The following DLEC1 variants were observed in gnomAD, a reference collection of about 807,000 sequenced individuals.
The protein encoded by DLEC1 is DLEC1 cilia and flagella associated protein.
Under a neutral mutation model 198.1 loss-of-function variants are expected in DLEC1, and 146 were observed. The ratio of observed to expected loss-of-function variants is 0.74; its 90% CI spans 0.64 to 0.85. The LOEUF (loss-of-function observed/expected upper bound fraction) is 0.85. Ranked by LOEUF, DLEC1 falls within the 40% of genes least tolerant of loss-of-function variation. The pLI, the probability that DLEC1 is intolerant of heterozygous loss-of-function variation, is 0.00. For synonymous variants in DLEC1, 897 were observed against 866.8 expected (o/e 1.03, Z -0.61); for missense variants, 2,233 against 2,220.0 (o/e 1.01, Z -0.12).
chr3:38,064,963 A>T (rs9757622), intron 6 of DLEC1, among the ~76,000 whole-genome samples: 1 of 151,904 alleles, frequency 6.6e-6, no homozygotes, highest in East Asian at 1.9e-4. Flanking sequence ...CTGCAAACTC[A>T]GCACTTTGGG....
chr3:38,095,686 C>T (rs1049018876), intron 13 of DLEC1: 2 of 594,176 alleles, frequency 3.4e-6, no homozygotes, highest in Non-Finnish European at 5.9e-6. Flanking sequence ...AGACAGGCCC[C>T]TGAGTCCTGG....
intron 5 of DLEC1, 147 bp from the exon 6 acceptor site, chr3:38,063,694 G>T: frequency 1.7e-6 from 1 of 572,528 alleles, no homozygotes; most frequent in Non-Finnish European, 3.1e-6. Flanking sequence ...TTAACAATAA[G>T]ATCCAAAAAC....
In DLEC1 at chr3:38,096,637, T is replaced by C. The variant is rs753702571; in HGVS notation, c.2240T>C (p.Val747Ala). 6.2e-7 allele frequency: 1 copy of C among 1,612,916 alleles called. No homozygotes were observed. Among genetic ancestry groups the C allele is most frequent in the South Asian group, 1.1e-5 (1 of 91,004 alleles). The change falls in exon 15 of 37, where the codon GTG (valine) becomes GCG (alanine). Residue 747 changes from valine to alanine, a missense_variant. Physicochemically the swap from Val to Ala is moderately conservative, Grantham distance 64 (BLOSUM62 0). Coordinates refer to ENST00000308059, the MANE Select transcript of DLEC1 (RefSeq NM_007335.4). ...GATGTGATTGTCCTGGAAATCGAGGTGAAAGGCTCAGTAGAACCTTTCCAG... is the reference window on the plus strand; with the variant it reads ...GATGTGATTGTCCTGGAAATCGAGGCGAAAGGCTCAGTAGAACCTTTCCAG... ...VDDVIVLEIE[V>A]KGSVEPFQVL...
intron 6 of DLEC1, 90 bp downstream of exon 6, chr3:38,064,009 T>C: frequency 1.5e-5 from 10 of 660,302 alleles, no homozygotes; most frequent in South Asian, 2.4e-5. Context: ...TTTTTTTTCT[T>C]TTTTTTTTTT....
chr3:38,122,142 T>C lies in DLEC1; in HGVS notation c.5092T>C (p.Ser1698Pro), dbSNP rs1195596893. 6 of 1,614,000 alleles carry C rather than the reference T, an allele frequency of 3.7e-6. No individual in the cohort carries two copies. The highest frequency in any genetic ancestry group is 5.1e-6 in the Non-Finnish European group (6 of 1,179,994). The change falls in exon 36 of 37, where the codon TCC (serine) becomes CCC (proline). Residue 1698 changes from serine (S) to proline (P), a missense_variant. Ser to Pro is a moderately conservative substitution (Grantham distance 74, BLOSUM62 -1). Coordinates refer to ENST00000308059, the MANE Select transcript of DLEC1 (RefSeq NM_007335.4). ...SPNSGLLEAR[S>P]ANAPPTSIAL... The stretch of plus-strand genomic sequence containing the variant: ...AAACAGTGGGCTGCTAGAAGCACGA[T>C]CCGCCAATGCACCCCCAACCTCCAT...
Position 38,039,340 on chromosome 3 carries a change from C to A in DLEC1, c.115C>A (p.Pro39Thr), listed in dbSNP as rs756522552. The A allele has an allele frequency of 5.6e-6, 9 of 1,614,132 alleles. No homozygotes were observed. Among genetic ancestry groups the A allele is most frequent in the Non-Finnish European group, 7.6e-6 (9 of 1,180,048 alleles). ...PPAGSSSPSQ[P>T]TWKSSLYSSL... is the part of the protein sequence containing the mutation. The stretch of plus-strand genomic sequence containing the variant: ...AGCCGGGTCCAGCAGCCCCAGCCAG[C>A]CCACCTGGAAGTCCTCCTTGTATTC... Residue 39 changes from proline to threonine, a missense_variant, in exon 1 of 37, where the codon CCC becomes ACC. Coordinates refer to ENST00000308059, the MANE Select transcript of DLEC1 (RefSeq NM_007335.4).
chr3:38,063,226 G>A (rs1287853147), intron 5 of DLEC1, among the ~76,000 whole-genome samples: 1 of 152,036 alleles, frequency 6.6e-6, no homozygotes, highest in African/African-American at 2.4e-5. Context: ...GTTGCTTCAT[G>A]GGTTCATAAT....
intron 7 of DLEC1, 150 bp from the exon 8 acceptor site, chr3:38,085,124 G>T: frequency 2.5e-6 from 2 of 797,966 alleles, no homozygotes; most frequent in Non-Finnish European, 4.1e-6. Context: ...TGCTCCCCTC[G>T]CATGCCCTTT....
At chr3:38,085,171 TAC>T (rs1026457473) in intron 7 of DLEC1, 101 bp from the exon 8 acceptor site, 2 of 1,334,980 alleles carry the variant, frequency 1.5e-6, no homozygotes, top group Non-Finnish European at 2.1e-6. Flanking sequence ...AGAAGGCACT[TAC>T]AGAGCCAGCC....
Position 38,122,751 on chromosome 3 carries a change from T to C in DLEC1, c.*339T>C. On this transcript the variant is annotated 3_prime_UTR_variant, in exon 37 of 37. Coordinates refer to ENST00000308059, the MANE Select transcript of DLEC1 (RefSeq NM_007335.4). ...ACTTTTACTATGCCCATTGCACTTCTCATCCATGGATTTGCCTTGCCTTAA... is the reference window on the plus strand; with the variant it reads ...ACTTTTACTATGCCCATTGCACTTCCCATCCATGGATTTGCCTTGCCTTAA... 2 of 1,275,478 alleles carry C rather than the reference T, an allele frequency of 1.6e-6. No homozygotes were observed. The highest frequency in any genetic ancestry group is 2.1e-6 in the Non-Finnish European group (2 of 963,386). The allele number at this position is 1,275,478 out of a possible 1,614,324, so 79.0% of individuals were successfully genotyped here.
chr3:38,042,264 A>G (rs921546729), intron 1 of DLEC1, among the ~76,000 whole-genome samples: 1 of 152,130 alleles, frequency 6.6e-6, no homozygotes, highest in African/African-American at 2.4e-5. Context: ...AAGTGCTAGG[A>G]TTACAAGAGT....
chr3:38,064,314 G>A (rs1197554935), intron 6 of DLEC1, among the ~76,000 whole-genome samples: 2 of 152,136 alleles, frequency 1.3e-5, no homozygotes, highest in South Asian at 2.1e-4. Context: ...GTTTCAGAGA[G>A]CACGGGGTTG....
chr3:38,116,424 C>T, intron 27 of DLEC1, 29 bp from the exon 28 acceptor site: 2 of 1,613,078 alleles, frequency 1.2e-6, no homozygotes, highest in African/African-American at 1.3e-5. Context: ...CTCCCTTATT[C>T]CTCACCCTGC....
intron 34 of DLEC1, among the ~76,000 whole-genome samples, chr3:38,120,981 C>T (rs1700422729): frequency 6.6e-6 from 1 of 152,218 alleles, no homozygotes. Flanking sequence ...AAGGACAGCC[C>T]TGGGGCTTGC....
chr3:38,098,245 C>T (rs1205981221), intron 18 of DLEC1, among the ~76,000 whole-genome samples: 6 of 152,144 alleles, frequency 3.9e-5, no homozygotes, highest in Non-Finnish European at 8.8e-5. Context: ...CTGCTCCAGC[C>T]GCATTCCCAC....
intron 25 of DLEC1, among the ~76,000 whole-genome samples, chr3:38,113,982 C>T (rs995981056): frequency 6.6e-6 from 1 of 151,860 alleles, no homozygotes; most frequent in African/African-American, 2.4e-5. Flanking sequence ...GGCCGAAGAG[C>T]CTCAGGCTTG....
intron 4 of DLEC1, 61 bp from the exon 5 acceptor site, chr3:38,062,518 AAG>A: frequency 6.3e-7 from 1 of 1,598,344 alleles, no homozygotes; most frequent in South Asian, 1.1e-5. Context: ...GCAGTTGGTC[AAG>A]ATGTCAACAA....
At chr3:38,118,127 A>G in intron 33 of DLEC1, 103 bp downstream of exon 33, 1 of 1,309,658 alleles carries the variant, frequency 7.6e-7, no homozygotes, top group Non-Finnish European at 1.1e-6. Flanking sequence ...CCAGACGCAA[A>G]CTGCATGCCT....
At chr3:38,072,717 T>C (rs1338798946) in intron 6 of DLEC1, among the ~76,000 whole-genome samples, 4 of 152,096 alleles carry the variant, frequency 2.6e-5, no homozygotes, top group Non-Finnish European at 5.9e-5. Flanking sequence ...AAGGAGTTGT[T>C]GTTTTGTAGA....
Sources: allele counts gnomAD v4.1 joint callset (sites outside exome capture counted in the v4.1 genomes callset), GRCh38; gene constraint gnomAD v4.1.1; transcripts MANE v1.5; gene names NCBI Gene and HGNC (gene_info 2026-07-23, HGNC 2026-07-21).